MYOZ3: variants seen among roughly 807,000 people sequenced by gnomAD.
MYOZ3 encodes myozenin 3, also known as myozenin-3.
MYOZ3 carries 19 observed loss-of-function variants against 26.5 expected under a neutral mutation model. The ratio of observed to expected loss-of-function variants is 0.72; its 90% CI spans 0.50 to 1.05. The LOEUF is 1.05. Ranked by LOEUF, MYOZ3 falls within the 50% of genes least tolerant of loss-of-function variation. MYOZ3 has a pLI of 0.00. For synonymous variants in MYOZ3, 135 were observed against 138.8 expected, an observed-to-expected ratio of 0.97 and a Z score of 0.19; for missense variants, 322 against 337.1, an observed-to-expected ratio of 0.96 and a Z score of 0.35.
intron 2 of MYOZ3, among the ~76,000 whole-genome samples, chr5:150,664,446 C>A (rs1199515507): frequency 6.6e-6 from 1 of 152,102 alleles, no homozygotes; most frequent in East Asian, 1.9e-4. Context: ...AAGGTACTGA[C>A]TAAAGACAAT....
At chr5:150,672,319 C>G in intron 5 of MYOZ3, 21 bp from the exon 6 acceptor site, 1 of 1,579,570 alleles carries the variant, frequency 6.3e-7, no homozygotes, top group African/African-American at 1.3e-5. Flanking sequence ...CGGAGGCGCT[C>G]CCTTCCCCCC....
intron 1 of MYOZ3, 92 bp from the exon 2 acceptor site, chr5:150,662,849 C>A: frequency 8.5e-7 from 1 of 1,175,332 alleles, no homozygotes; most frequent in South Asian, 1.3e-5. Flanking sequence ...TAAAGCTGTT[C>A]AGGACTGGGG....
intron 3 of MYOZ3, 50 bp from the exon 4 acceptor site, chr5:150,671,547 C>T: frequency 6.2e-7 from 1 of 1,606,876 alleles, no homozygotes; most frequent in Non-Finnish European, 8.5e-7. Context: ...AACCCTGGTC[C>T]CCTGCCCCGC....
At chr5:150,676,570 C>T in intron 6 of MYOZ3, 137 bp from the exon 7 acceptor site, 1 of 447,054 alleles carries the variant, frequency 2.2e-6, no homozygotes, top group Non-Finnish European at 3.9e-6. Context: ...AAAAGATGTA[C>T]AGAATCTTGC....
At chr5:150,671,931 G>C (rs1758922439) in intron 5 of MYOZ3, 23 bp downstream of exon 5, 1 of 1,503,502 alleles carries the variant, frequency 6.7e-7, no homozygotes, top group Non-Finnish European at 8.8e-7. Flanking sequence ...CTCGGGTCCC[G>C]GGACCAGGGC....
rs1759056712 is a variant in MYOZ3 at position 150,678,708 on chromosome 5, A to C, written c.*1833A>C. The C allele has an allele frequency of 6.6e-6, 1 of 152,288 alleles. No homozygotes were observed. The highest frequency in any genetic ancestry group is 2.4e-5 in the African/African-American group (1 of 41,456). The allele number at this position is 152,288 out of a possible 1,614,324, so 9.4% of individuals were successfully genotyped here. On this transcript the variant is annotated 3_prime_UTR_variant, in exon 7 of 7. Transcript: ENST00000517768. The stretch of plus-strand genomic sequence containing the variant: ...CAAGTGTAAGATGAGGACAAGTATA[A>C]AACCTCCTTTATGGGTTTGTTGTGA...
At position 150,669,757 on chromosome 5, in the gene MYOZ3, T is replaced by G. The variant is rs542227535; in HGVS notation, c.62-727T>G. ...ACCTCCTGGGTTCAAGTGATTCTCCTGCCTCAGCCTCCAGAGTGGCTGGGA... is the reference window on the plus strand; with the variant it reads ...ACCTCCTGGGTTCAAGTGATTCTCCGGCCTCAGCCTCCAGAGTGGCTGGGA... On this transcript the variant is annotated intron_variant, in intron 2 of 6. Coordinates refer to ENST00000517768, the MANE Select transcript of MYOZ3 (RefSeq NM_001122853.3). Among the ~76,000 whole-genome samples, 25 of 146,992 alleles carry G rather than the reference T, an allele frequency of 1.7e-4. No homozygotes were observed. In the South Asian group the frequency reaches 5.5e-3, roughly 32 times the overall value.
At chr5:150,676,254 T>G (rs1759003891) in intron 6 of MYOZ3, among the ~76,000 whole-genome samples, 1 of 151,912 alleles carries the variant, frequency 6.6e-6, no homozygotes, top group African/African-American at 2.4e-5. Context: ...CCTCTTAAGA[T>G]GTACAGAATT....
chr5:150,672,329 C>A lies in MYOZ3; in HGVS notation c.425-11C>A. ...AAGAACGGAGGCGCTCCCTTCCCCC[C>A]GCGCCCCTAGGCTATGCGGAGCCGC... On this transcript the variant is annotated splice_polypyrimidine_tract_variant and intron_variant, in intron 5 of 6. Coordinates refer to ENST00000517768, the MANE Select transcript of MYOZ3 (RefSeq NM_001122853.3). 6.3e-7 allele frequency: 1 copy of A among 1,591,316 alleles called. No homozygotes were observed. Among genetic ancestry groups the A allele is most frequent in the Non-Finnish European group, 8.5e-7 (1 of 1,169,636 alleles).
intron 2 of MYOZ3, among the ~76,000 whole-genome samples, chr5:150,669,466 T>A (rs1376555461): frequency 6.6e-6 from 1 of 151,844 alleles, no homozygotes; most frequent in African/African-American, 2.4e-5. Context: ...ATGTATGCTA[T>A]AATTTTATTT....
chr5:150,662,804 C>T, intron 1 of MYOZ3, 137 bp from the exon 2 acceptor site: 1 of 732,096 alleles, frequency 1.4e-6, no homozygotes, highest in East Asian at 2.8e-5. Context: ...TCCCTTCCAG[C>T]TCAGACATCC....
chr5:150,670,850 G>A (rs1758894001), intron 3 of MYOZ3: 1 of 266,616 alleles, frequency 3.8e-6, no homozygotes, highest in Non-Finnish European at 6.4e-6. Context: ...AGGGGGTTGA[G>A]GATAAGCCGT....
At chr5:150,664,943 G>T (rs13353893) in intron 2 of MYOZ3, among the ~76,000 whole-genome samples, 21,235 of 151,492 alleles carry the variant, frequency 0.14, 2,790 homozygotes, top group African/African-American at 0.35. Context: ...GTAAATTCTT[G>T]TTCTGTTCAT....
intron 2 of MYOZ3, among the ~76,000 whole-genome samples, chr5:150,666,836 T>C (rs550203385): frequency 7.9e-5 from 12 of 151,956 alleles, no homozygotes; most frequent in Admixed American, 5.9e-4. Flanking sequence ...TCTCAGCTCA[T>C]TGCAAACTTC....
At chr5:150,672,634 A>G in intron 6 of MYOZ3, 132 bp downstream of exon 6, 1 of 1,123,910 alleles carries the variant, frequency 8.9e-7, no homozygotes, top group Non-Finnish European at 1.2e-6. Flanking sequence ...CTATTCATTG[A>G]CTGAGCTCTG....
rs1389297769 is a variant in MYOZ3 at position 150,677,183 on chromosome 5, G to A, written c.*308G>A. ...GTCGTGGCTCACGCCTGTCATCCCAGCACTTTGGGAGGCCGAGGCAGGAGG... is the reference window on the plus strand; with the variant it reads ...GTCGTGGCTCACGCCTGTCATCCCAACACTTTGGGAGGCCGAGGCAGGAGG... On this transcript the variant is annotated 3_prime_UTR_variant, in exon 7 of 7. Coordinates refer to ENST00000517768, the MANE Select transcript of MYOZ3 (RefSeq NM_001122853.3). 9.0e-6 allele frequency: 2 copies of A among 222,728 alleles called. No homozygotes were observed. The highest frequency in any genetic ancestry group is 1.8e-5 in the Non-Finnish European group (2 of 112,148). 13.8% of individuals were successfully genotyped at this position (222,728 alleles called of 1,614,324 possible).
chr5:150,670,653 A>AT lies in MYOZ3; in HGVS notation c.216+17dup. ...GCCAGCGGGCGGTGAGTAAGCCACC[A>AT]TTGTGCTCATGGGGAAAATGAGGAC... On this transcript the variant is annotated intron_variant, in intron 3 of 6. Transcript: ENST00000517768. 4 of 1,596,918 alleles carry AT rather than the reference A, an allele frequency of 2.5e-6. No individual in the cohort carries two copies. Among genetic ancestry groups the AT allele is most frequent in the Non-Finnish European group, 3.4e-6 (4 of 1,167,952 alleles).
intron 2 of MYOZ3, among the ~76,000 whole-genome samples, chr5:150,669,633 CTTTTTT>C (rs532402882): frequency 2.9e-4 from 14 of 47,740 alleles, no homozygotes; most frequent in African/African-American, 7.7e-4. Context: ...CCCATATATG[CTTTTTT>C]TTTTTTTTTT....
chr5:150,672,207 C>T, intron 5 of MYOZ3, 133 bp from the exon 6 acceptor site: 1 of 1,358,492 alleles, frequency 7.4e-7, no homozygotes, highest in Non-Finnish European at 1.0e-6. Flanking sequence ...TGTGGCTTCC[C>T]ATTCCCGCCG....
Sources: allele counts gnomAD v4.1 joint callset (sites outside exome capture counted in the v4.1 genomes callset), GRCh38; gene constraint gnomAD v4.1.1; transcripts MANE v1.5; gene names NCBI Gene and HGNC (gene_info 2026-07-23, HGNC 2026-07-21).